NRXN3: variants seen among roughly 807,000 people sequenced by gnomAD.
NRXN3 encodes the protein neurexin III.
A neutral mutation model predicts 137.6 loss-of-function variants in NRXN3; 32 were observed. The ratio of observed to expected loss-of-function variants is 0.23; its 90% CI spans 0.18 to 0.31. The LOEUF is 0.31. Ranked by LOEUF, NRXN3 falls within the 10% of genes least tolerant of loss-of-function variation. NRXN3 has a pLI of 1.00. For missense variants in NRXN3, 1,574 were observed against 2,062.5 expected (o/e 0.76, Z 4.59); for synonymous variants, 798 against 784.5 (o/e 1.02, Z -0.29).
rs555982880 is a variant in NRXN3, at chr14:78,596,927, A to G, written c.758-48193A>G. Among the ~76,000 whole-genome samples, 9 of 152,372 alleles carry G rather than the reference A, an allele frequency of 5.9e-5. No homozygotes were observed. In the East Asian group the frequency reaches 1.7e-3, roughly 29 times the overall value. ...AGAAAATAGCTCAAGTGATGGCTAT[A>G]GGAGATCAAATAGCAAAGAGAAAGC... On this transcript the variant is annotated intron_variant, in intron 4 of 20. Coordinates refer to ENST00000335750, the MANE Select transcript of NRXN3 (RefSeq NM_001330195.2).
chr14:78,311,754 A>G (rs1597173839), intron 4 of NRXN3, among the ~76,000 whole-genome samples: 2 of 152,038 alleles, frequency 1.3e-5, no homozygotes, highest in Admixed American at 6.6e-5. Context: ...TTGTGCACAC[A>G]AAGAGCTATA....
intron 15 of NRXN3, among the ~76,000 whole-genome samples, chr14:79,303,330 T>C (rs1418230101): frequency 6.6e-6 from 1 of 152,056 alleles, no homozygotes; most frequent in Non-Finnish European, 1.5e-5. Flanking sequence ...CATGAAGCAA[T>C]GCAGACTTTT....
At chr14:79,651,109 A>G (rs889880925) in intron 16 of NRXN3, among the ~76,000 whole-genome samples, 1 of 152,176 alleles carries the variant, frequency 6.6e-6, no homozygotes, top group African/African-American at 2.4e-5. Context: ...TAGGACTTCA[A>G]TTTGAGTCTA....
chr14:78,212,745 G>T (rs997176239), intron 1 of NRXN3, among the ~76,000 whole-genome samples: 2 of 152,114 alleles, frequency 1.3e-5, no homozygotes, highest in Admixed American at 1.3e-4. Flanking sequence ...ATCTTTAGTT[G>T]TTTTTAATGG....
intron 1 of NRXN3, among the ~76,000 whole-genome samples, chr14:78,235,322 G>C (rs1018731388): frequency 3.9e-5 from 6 of 151,960 alleles, no homozygotes; most frequent in Non-Finnish European, 7.4e-5. Context: ...CTTCACTGGG[G>C]CTCTTGATAA....
chr14:79,269,391 G>A (rs2078966854), intron 15 of NRXN3, among the ~76,000 whole-genome samples: 1 of 152,102 alleles, frequency 6.6e-6, no homozygotes. Context: ...TACTGTAGGA[G>A]CTATGCATGC....
chr14:78,203,943 G>A (rs2061941669), intron 1 of NRXN3, among the ~76,000 whole-genome samples: 1 of 151,222 alleles, frequency 6.6e-6, no homozygotes, highest in Non-Finnish European at 1.5e-5. Flanking sequence ...TGTGTTGTCT[G>A]ATTTTTTTTT....
intron 8 of NRXN3, among the ~76,000 whole-genome samples, chr14:78,752,775 G>A (rs1347226623): frequency 6.6e-6 from 1 of 152,206 alleles, no homozygotes; most frequent in East Asian, 1.9e-4. Context: ...ACCAGAGAGA[G>A]ATGGTGCTTG....
intron 10 of NRXN3, among the ~76,000 whole-genome samples, chr14:78,950,378 C>T (rs1302916149): frequency 6.6e-6 from 1 of 152,048 alleles, no homozygotes; most frequent in Non-Finnish European, 1.5e-5. Flanking sequence ...CCATTTGTTT[C>T]TTTGGAGGTA....
intron 10 of NRXN3, among the ~76,000 whole-genome samples, chr14:78,912,397 T>C (rs1300805303): frequency 6.6e-6 from 1 of 151,734 alleles, no homozygotes; most frequent in Non-Finnish European, 1.5e-5. Context: ...CTATCCCAGT[T>C]ATTCAAGAGA....
At chr14:78,437,776 CAG>C (rs1172637091) in intron 4 of NRXN3, among the ~76,000 whole-genome samples, 1 of 152,144 alleles carries the variant, frequency 6.6e-6, no homozygotes, top group East Asian at 1.9e-4. Flanking sequence ...CTTTTGGGGT[CAG>C]AGACCTGGGA....
chr14:79,194,349 C>T (rs947179679), intron 15 of NRXN3, among the ~76,000 whole-genome samples: 1 of 152,168 alleles, frequency 6.6e-6, no homozygotes, highest in Non-Finnish European at 1.5e-5. Context: ...TAGCTTTGAG[C>T]TAAATTGTAC....
chr14:79,014,270 C>T (rs2099575671), intron 15 of NRXN3, among the ~76,000 whole-genome samples: 1 of 152,196 alleles, frequency 6.6e-6, no homozygotes, highest in Non-Finnish European at 1.5e-5. Context: ...CCTCCACCCT[C>T]AAGAAAGCCA....
At chr14:79,748,157 A>G (rs1023554582) in intron 19 of NRXN3, among the ~76,000 whole-genome samples, 24 of 152,040 alleles carry the variant, frequency 1.6e-4, no homozygotes, top group African/African-American at 5.8e-4. Flanking sequence ...TACCTACGTA[A>G]CAAACCTTCA....
At chr14:78,780,671 C>A (rs879349944) in intron 8 of NRXN3, among the ~76,000 whole-genome samples, 3 of 151,926 alleles carry the variant, frequency 2.0e-5, no homozygotes, top group Non-Finnish European at 4.4e-5. Flanking sequence ...ATGCCAAAAC[C>A]AAAATGGATA....
intron 15 of NRXN3, among the ~76,000 whole-genome samples, chr14:79,068,602 T>G (rs142430532): frequency 5.9e-4 from 90 of 152,274 alleles, no homozygotes; most frequent in Middle Eastern, 3.4e-3. Context: ...TGAATTAACA[T>G]AGTATTTTAG....
intron 15 of NRXN3, among the ~76,000 whole-genome samples, chr14:79,117,559 C>A (rs1010261937): frequency 4.6e-5 from 7 of 152,146 alleles, no homozygotes; most frequent in African/African-American, 1.7e-4. Flanking sequence ...CTGAGGTATG[C>A]CCCCCAAAAT....
chr14:79,418,591 C>G (rs909695864), intron 15 of NRXN3, among the ~76,000 whole-genome samples: 1 of 152,118 alleles, frequency 6.6e-6, no homozygotes, highest in South Asian at 2.1e-4. Context: ...GGCAAAGAAG[C>G]CTGTGCATCA....
In NRXN3 at chr14:79,861,565, T is replaced by C; in HGVS notation, c.4317T>C (p.Asp1439=). ...MNNRDLKPQP[D]IVLLPLPTAY... is the part of the protein sequence containing the mutation. ...ACCGTGATCTCAAACCCCAGCCTGA[T>C]ATAGTCTTGCTTCCGTTGCCCACTG... Residue 1439 remains aspartate, a synonymous_variant, in exon 21 of 21, where the codon GAT becomes GAC. Coordinates refer to ENST00000335750, the MANE Select transcript of NRXN3 (RefSeq NM_001330195.2). The surrounding 1 kb of genome is among the most constrained non-coding windows in gnomAD (Gnocchi z 5.4). 5 of 1,591,770 alleles carry C rather than the reference T, an allele frequency of 3.1e-6. No individual in the cohort carries two copies. The highest frequency in any genetic ancestry group is 4.3e-6 in the Non-Finnish European group (5 of 1,169,874).
Sources: allele counts gnomAD v4.1 joint callset (sites outside exome capture counted in the v4.1 genomes callset), GRCh38; gene constraint gnomAD v4.1.1; non-coding constraint Gnocchi (gnomAD v3.1); transcripts MANE v1.5; gene names NCBI Gene and HGNC (gene_info 2026-07-23, HGNC 2026-07-21).